Variants in TTLL5 observed in about 807,000 individuals in gnomAD.
TTLL5 encodes tubulin tyrosine ligase like 5.
TTLL5 carries 132 observed loss-of-function variants against 168.4 expected under a neutral mutation model. The observed-to-expected ratio is 0.78, with a 90% confidence interval of 0.68 to 0.91. The LOEUF is 0.91. Among genes scored for constraint, TTLL5 ranks in the 40% least tolerant of loss-of-function variants. The pLI, the probability that TTLL5 is intolerant of heterozygous loss-of-function variation, is 0.00. For missense variants in TTLL5, 1,545 were observed against 1,581.5 expected (o/e 0.98, Z 0.39); for synonymous variants, 546 against 558.6 (o/e 0.98, Z 0.32).
intron 30 of TTLL5, among the ~76,000 whole-genome samples, chr14:75,888,935 G>GAAAA (rs10680423): frequency 6.9e-6 from 1 of 145,558 alleles, no homozygotes; most frequent in Non-Finnish European, 1.5e-5. Flanking sequence ...GACTGTCTCC[G>GAAAA]AAAAAAAAAA....
intron 3 of TTLL5, among the ~76,000 whole-genome samples, chr14:75,673,350 C>T (rs143450818): frequency 6.6e-6 from 1 of 152,292 alleles, no homozygotes; most frequent in East Asian, 1.9e-4. Flanking sequence ...CTCTGCTCCT[C>T]TTGGATTTTA....
intron 30 of TTLL5, among the ~76,000 whole-genome samples, chr14:75,892,502 A>G (rs1229088875): frequency 6.6e-6 from 1 of 152,212 alleles, no homozygotes; most frequent in Non-Finnish European, 1.5e-5. Flanking sequence ...TTTCCCCCCC[A>G]GGAGACATTT....
At chr14:75,895,581 G>T (rs1415982957) in intron 30 of TTLL5, among the ~76,000 whole-genome samples, 3 of 152,174 alleles carry the variant, frequency 2.0e-5, no homozygotes, top group African/African-American at 7.2e-5. Flanking sequence ...TATTACTCAT[G>T]CATTAAAGAG....
At chr14:75,782,812 GA>G (rs1476940848) in intron 25 of TTLL5, among the ~76,000 whole-genome samples, 16 of 152,184 alleles carry the variant, frequency 1.1e-4, no homozygotes, top group African/African-American at 3.9e-4. Context: ...CTAGAAGGGT[GA>G]AAAGAAGGGG....
chr14:75,826,195 G>A (rs989416610), intron 28 of TTLL5, among the ~76,000 whole-genome samples: 1 of 151,898 alleles, frequency 6.6e-6, no homozygotes, highest in African/African-American at 2.4e-5. Flanking sequence ...TTTGCAGTTT[G>A]CCAGTGTCAG....
intron 21 of TTLL5, among the ~76,000 whole-genome samples, chr14:75,774,017 C>T (rs1477844089): frequency 3.7e-5 from 5 of 133,554 alleles, no homozygotes; most frequent in African/African-American, 1.1e-4. Context: ...ACAAGCCTTA[C>T]CCCATTCCCT....
intron 28 of TTLL5, among the ~76,000 whole-genome samples, chr14:75,846,041 A>G (rs563796243): frequency 6.6e-6 from 1 of 152,346 alleles, no homozygotes; most frequent in East Asian, 1.9e-4. Context: ...TAGTCTATGC[A>G]TTTGTATAGT....
chr14:75,922,153 T>G (rs571498004), intron 31 of TTLL5, among the ~76,000 whole-genome samples: 1 of 132,214 alleles, frequency 7.6e-6, no homozygotes, highest in African/African-American at 3.0e-5. Flanking sequence ...TGGGGTTTTC[T>G]AAATATACAA....
At chr14:75,753,028 A>G in intron 18 of TTLL5, 73 bp downstream of exon 18, 1 of 1,431,068 alleles carries the variant, frequency 7.0e-7, no homozygotes. Flanking sequence ...AAAGAAGGAA[A>G]CAGACCTTAT....
chr14:75,855,227 G>T (rs142335239), intron 28 of TTLL5, among the ~76,000 whole-genome samples: 78 of 152,004 alleles, frequency 5.1e-4, no homozygotes, highest in Non-Finnish European at 8.2e-4. Flanking sequence ...AAGCCTGCTG[G>T]AATTTTTATT....
intron 30 of TTLL5, 69 bp from the exon 31 acceptor site, chr14:75,902,073 C>T (rs2032945504): frequency 7.4e-7 from 1 of 1,343,394 alleles, no homozygotes; most frequent in Non-Finnish European, 1.1e-6. Flanking sequence ...AGAAGCGAAG[C>T]CATCAGAGGT....
At chr14:75,895,208 C>T (rs1474541531) in intron 30 of TTLL5, among the ~76,000 whole-genome samples, 2 of 152,140 alleles carry the variant, frequency 1.3e-5, no homozygotes, top group Admixed American at 1.3e-4. Flanking sequence ...AGCAAAAATA[C>T]TTATCTATAT....
chr14:75,850,268 T>C (rs1896774569), intron 28 of TTLL5, among the ~76,000 whole-genome samples: 1 of 151,560 alleles, frequency 6.6e-6, no homozygotes, highest in Non-Finnish European at 1.5e-5. Context: ...TATCCGGGCA[T>C]GGTGGCACAT....
chr14:75,810,323 T>C (rs559590843), intron 27 of TTLL5, among the ~76,000 whole-genome samples: 1 of 152,214 alleles, frequency 6.6e-6, no homozygotes, highest in East Asian at 1.9e-4. Flanking sequence ...TAAGCTCTTA[T>C]TAACTAAATC....
chr14:75,852,438 C>T (rs1595151226), intron 28 of TTLL5, among the ~76,000 whole-genome samples: 2 of 152,160 alleles, frequency 1.3e-5, no homozygotes, highest in South Asian at 4.1e-4. Flanking sequence ...AGCAAGGAGA[C>T]CAGCTTGCAC....
chr14:75,866,454 T>C (rs2030527836), intron 29 of TTLL5, among the ~76,000 whole-genome samples: 1 of 152,228 alleles, frequency 6.6e-6, no homozygotes, highest in Non-Finnish European at 1.5e-5. Flanking sequence ...AATTGAAATC[T>C]GATTTACCTA....
intron 31 of TTLL5, among the ~76,000 whole-genome samples, chr14:75,952,539 A>T (rs2034993445): frequency 6.6e-6 from 1 of 152,220 alleles, no homozygotes; most frequent in Non-Finnish European, 1.5e-5. Flanking sequence ...AGAAATGAAA[A>T]CATAGTTCAA....
chr14:75,680,486 G>A (rs532844362), intron 3 of TTLL5, among the ~76,000 whole-genome samples: 8 of 152,186 alleles, frequency 5.3e-5, no homozygotes, highest in Admixed American at 4.6e-4. Flanking sequence ...CATTTTTAGA[G>A]CACCATGAGA....
Position 75,720,709 on chromosome 14 carries a change from G to A in TTLL5, c.1042+6G>A, listed in dbSNP as rs1169502786. On this transcript the variant is annotated splice_donor_region_variant and intron_variant, in intron 12 of 31. Coordinates refer to ENST00000298832, the MANE Select transcript of TTLL5 (RefSeq NM_015072.5). ...TCATCGCAGCAGTTGTTTTGGTAAGGAGACTCAAGAAGCTTAACATGTTTT... is the reference window on the plus strand; with the variant it reads ...TCATCGCAGCAGTTGTTTTGGTAAGAAGACTCAAGAAGCTTAACATGTTTT... 9 of 1,608,870 alleles carry A rather than the reference G, an allele frequency of 5.6e-6. No individual in the cohort carries two copies. The highest frequency in any genetic ancestry group is 7.7e-6 in the Non-Finnish European group (9 of 1,175,362).
Sources: gnomAD v4.1 joint callset for allele counts (sites outside exome capture counted in the v4.1 genomes callset) on GRCh38, gnomAD v4.1.1 for gene constraint, MANE v1.5 for transcripts, NCBI Gene and HGNC (gene_info 2026-07-23, HGNC 2026-07-21) for gene names.